NEB: variants seen among roughly 807,000 people sequenced by gnomAD.
NEB encodes the protein nebulin.
Under a neutral mutation model 952.2 loss-of-function variants are expected in NEB, and 512 were observed. The observed-to-expected ratio is 0.54, with a 90% confidence interval of 0.50 to 0.58. NEB has a LOEUF of 0.58. Ranked by LOEUF, NEB falls within the 20% of genes least tolerant of loss-of-function variation. The probability of loss-of-function intolerance (pLI) is 0.00; values close to 1 mark genes in which losing one functional copy is unlikely to be tolerated. For synonymous variants in NEB, 2,900 were observed against 3,149.8 expected, an observed-to-expected ratio of 0.92 and a Z score of 2.66; for missense variants, 8,428 against 9,231.1, an observed-to-expected ratio of 0.91 and a Z score of 3.56.
chr2:151,642,806 C>G lies in NEB; in HGVS notation c.8224G>C (p.Glu2742Gln), dbSNP rs772837483. The change falls in exon 59 of 182, where the codon GAA becomes CAA. Residue 2742 changes from glutamate (E) to glutamine (Q), a missense_variant. Transcript: ENST00000397345. ...TTVHIMPDTPEVLLAKQNKVN... is the reference protein window; with the variant it reads ...TTVHIMPDTPQVLLAKQNKVN... ...TTGTTTTGTTTAGCTAATAAAACTT[C>G]AGGGGTATCTGGCATAATGTGGACA... The G allele has an allele frequency of 4.3e-6, 7 of 1,612,988 alleles. No individual in the cohort carries two copies. In the East Asian group the frequency reaches 1.1e-4, roughly 26 times the overall value.
In NEB at chr2:151,491,682, C is replaced by G; in HGVS notation, c.25150+1G>C. On this transcript the variant is annotated splice_donor_variant, in intron 179 of 181. Transcript: ENST00000397345. LOFTEE classifies it high-confidence loss of function. ...TTGTAAGCCTTTTTCAGCTAACACACCATTAATCATGTGTAAGCTTCGGGA... is the reference window on the plus strand; with the variant it reads ...TTGTAAGCCTTTTTCAGCTAACACAGCATTAATCATGTGTAAGCTTCGGGA... The G allele has an allele frequency of 1.3e-6, 2 of 1,581,624 alleles. No homozygotes were observed. The highest frequency in any genetic ancestry group is 1.7e-4 in the Middle Eastern group (1 of 6,012).
intron 45 of NEB, among the ~76,000 whole-genome samples, chr2:151,662,825 T>C (rs1469214934): frequency 6.6e-6 from 1 of 152,196 alleles, no homozygotes; most frequent in Non-Finnish European, 1.5e-5. Context: ...TTCCTGGTAC[T>C]TTGTGTAAAT....
chr2:151,712,456 T>C (rs1011890097), intron 10 of NEB, among the ~76,000 whole-genome samples: 1 of 152,154 alleles, frequency 6.6e-6, no homozygotes, highest in Non-Finnish European at 1.5e-5. Context: ...GAGTGTAAGA[T>C]CACTCAACCC....
intron 110 of NEB, 148 bp from the exon 111 acceptor site, chr2:151,568,864 A>G (rs1314672328): frequency 3.1e-6 from 2 of 652,210 alleles, no homozygotes; most frequent in Non-Finnish European, 5.1e-6. Flanking sequence ...CTTTCTTTTT[A>G]GCATTTTATT....
chr2:151,701,659 G>A (rs1220395701), intron 13 of NEB, among the ~76,000 whole-genome samples: 5 of 151,408 alleles, frequency 3.3e-5, no homozygotes, highest in African/African-American at 1.2e-4. Flanking sequence ...GCGTAGAGGT[G>A]TTTGTAGTAT....
chr2:151,502,829 C>T lies in NEB; in HGVS notation c.23892G>A (p.Met7964Ile). Residue 7964 changes from methionine (M) to isoleucine (I), a missense_variant, in exon 167 of 182, where the codon ATG becomes ATA. This residue lies in a region of NEB where 3,374 missense variants were observed against 3,651.5 expected (regional missense o/e 0.92). Transcript: ENST00000397345. ...KGIPTPITPE[M>I]ERVKRNQENF... ...TCTCTTGATTGCGTTTGACTCTCTCCATCTCTGGAGTGATAGGTGTTGGGA... is the reference window on the plus strand; with the variant it reads ...TCTCTTGATTGCGTTTGACTCTCTCTATCTCTGGAGTGATAGGTGTTGGGA... The T allele has an allele frequency of 6.2e-7, 1 of 1,607,508 alleles. No homozygotes were observed. Among genetic ancestry groups the T allele is most frequent in the South Asian group, 1.1e-5 (1 of 89,446 alleles).
Position 151,560,682 on chromosome 2 carries a change from G to A in NEB, c.19224C>T (p.Ala6408=), listed in dbSNP as rs773985512. 5 of 1,611,296 alleles carry A rather than the reference G, an allele frequency of 3.1e-6. No homozygotes were observed. In the South Asian group the frequency reaches 5.5e-5, roughly 18 times the overall value. The change falls in exon 124 of 182, where the codon GCC becomes GCT. Residue 6408 remains alanine (A), a synonymous_variant. Coordinates refer to ENST00000397345, the MANE Select transcript of NEB (RefSeq NM_001164508.2). ...AGCTGGTGGCTTTCACTCTATCCCA[G>A]GCCTCCTTGTACAGGTTCTGCAGGA... ...NLYSSNLYKE[A]WDRVKATSYI... is the part of the protein sequence containing the mutation.
chr2:151,500,870 G>A (rs4641933), intron 168 of NEB, among the ~76,000 whole-genome samples: 152,185 of 152,240 alleles, frequency 1, 76,065 homozygotes, highest in Non-Finnish European at 1. Flanking sequence ...AAGTGCTGAG[G>A]TGACAGGTGT....
rs767784869 is a variant in NEB, at chr2:151,717,289, T to C, written c.822+127A>G. ...GCTTTTGCTGTAGAGTCTTTGGGGA[T>C]CATATGTAAAAATACTCCTAGTGTT... On this transcript the variant is annotated intron_variant, in intron 10 of 181. Transcript: ENST00000397345. 1.2e-3 allele frequency: 895 copies of C among 716,648 alleles called. 8 individuals carry two copies. Among genetic ancestry groups the C allele is most frequent in the Non-Finnish European group, 2.3e-4 (92 of 395,746 alleles). 44.4% of individuals were successfully genotyped at this position (716,648 alleles called of 1,614,324 possible).
At chr2:151,666,506 G>A (rs546965949) in intron 40 of NEB, 105 bp from the exon 41 acceptor site, 1 of 1,134,514 alleles carries the variant, frequency 8.8e-7, no homozygotes, top group Non-Finnish European at 1.2e-6. Context: ...TCTGAATCTA[G>A]GTAACATCGA....
intron 13 of NEB, among the ~76,000 whole-genome samples, chr2:151,698,332 A>T (rs1304470891): frequency 6.6e-6 from 1 of 152,164 alleles, no homozygotes; most frequent in Non-Finnish European, 1.5e-5. Context: ...CTGTCACCAC[A>T]ATCAATTTTA....
At chr2:151,709,632 A>T (rs1306484568) in intron 12 of NEB, 24 bp downstream of exon 12, 1 of 1,524,186 alleles carries the variant, frequency 6.6e-7, no homozygotes, top group Non-Finnish European at 9.0e-7. Flanking sequence ...AACCATCAAG[A>T]TAAATGGGAT....
chr2:151,727,553 A>G (rs1259145049), intron 5 of NEB, 138 bp downstream of exon 5: 1 of 704,472 alleles, frequency 1.4e-6, no homozygotes, highest in East Asian at 2.7e-5. Context: ...CAGTCACAAG[A>G]GCCTATAATT....
intron 9 of NEB, 38 bp downstream of exon 9, chr2:151,723,344 T>C (rs2099780270): frequency 6.8e-7 from 1 of 1,475,350 alleles, no homozygotes; most frequent in Non-Finnish European, 9.3e-7. Context: ...TTCCCCTGAC[T>C]CTGCACACCT....
In NEB at chr2:151,642,847, T is replaced by A; in HGVS notation, c.8183A>T (p.Asp2728Val). The stretch of plus-strand genomic sequence containing the variant: ...AATGTGGACAGTGGTTTTATCTTTA[T>A]CCCAAGCTTCTGTATAGAGGCGCTA... ...MNHRLYTEAW[D>V]KDKTTVHIMP... The change falls in exon 59 of 182, where the codon GAT (aspartate) becomes GTT (valine). Residue 2728 changes from aspartate to valine, a missense_variant. By Grantham distance (152) the Asp-to-Val change is radical. This residue lies in a region of NEB where 1,772 missense variants were observed against 1,960.3 expected (regional missense o/e 0.90). Transcript: ENST00000397345. 1 of 1,611,670 alleles carries A rather than the reference T, an allele frequency of 6.2e-7. No individual in the cohort carries two copies.
chr2:151,697,531 T>C lies in NEB; in HGVS notation c.1257+13A>G. ...CTTTTTTTAACAGAAAGAGTGACAG[T>C]AGGATTGCTTACATCACTACTGAAG... is the stretch of plus-strand genomic sequence containing the variant. On this transcript the variant is annotated intron_variant, in intron 14 of 181. Transcript: ENST00000397345. 1 of 1,609,340 alleles carries C rather than the reference T, an allele frequency of 6.2e-7. No individual in the cohort carries two copies.
chr2:151,503,192 C>A (rs2066030481), intron 166 of NEB, 157 bp downstream of exon 166: 1 of 615,588 alleles, frequency 1.6e-6, no homozygotes, highest in Non-Finnish European at 2.8e-6. Context: ...AAATGTGAGT[C>A]ATTTTGTATT....
intron 54 of NEB, among the ~76,000 whole-genome samples, chr2:151,646,531 A>G (rs2098960752): frequency 6.6e-6 from 1 of 152,218 alleles, no homozygotes; most frequent in African/African-American, 2.4e-5. Flanking sequence ...AGGCTTCTCC[A>G]TCTTCTGGGT....
chr2:151,671,251 T>G (rs1001784235), intron 37 of NEB, 22 bp from the exon 38 acceptor site: 2 of 1,579,392 alleles, frequency 1.3e-6, no homozygotes, highest in Non-Finnish European at 1.7e-6. Context: ...TAAGCTAATA[T>G]GAGAAGATAC....
Sources: gnomAD v4.1 joint callset for allele counts (sites outside exome capture counted in the v4.1 genomes callset) on GRCh38, gnomAD v4.1.1 for gene constraint, gnomAD v4.1.1 regional missense constraint, MANE v1.5 for transcripts, NCBI Gene and HGNC (gene_info 2026-07-23, HGNC 2026-07-21) for gene names.